RALYL: variants seen among roughly 807,000 people sequenced by gnomAD.
The protein encoded by RALYL is RNA-binding Raly-like protein.
Under a neutral mutation model 35.1 loss-of-function variants are expected in RALYL, and 29 were observed. The ratio of observed to expected loss-of-function variants is 0.83; its 90% CI spans 0.61 to 1.13. The LOEUF is 1.13. RALYL is among the 50% of genes most tolerant of loss of function. The pLI is 0.00. For synonymous variants in RALYL, 120 were observed against 127.6 expected (o/e 0.94, Z 0.40); for missense variants, 359 against 360.4 (o/e 1.00, Z 0.03).
At chr8:84,514,559 A>C (rs1457250174) in intron 1 of RALYL, among the ~76,000 whole-genome samples, 2 of 152,146 alleles carry the variant, frequency 1.3e-5, no homozygotes, top group Non-Finnish European at 2.9e-5. Context: ...AGAGAAGCAA[A>C]AGGGTCTAGT....
chr8:84,705,926 C>G, intron 2 of RALYL: 1 of 1,501,484 alleles, frequency 6.7e-7, no homozygotes, highest in Non-Finnish European at 8.8e-7. Context: ...TACCTTCTGT[C>G]AGTGAGCAAC....
chr8:84,669,202 G>A (rs1832698795), intron 2 of RALYL, among the ~76,000 whole-genome samples: 1 of 152,208 alleles, frequency 6.6e-6, no homozygotes, highest in African/African-American at 2.4e-5. Context: ...ATCTCACTGG[G>A]TACACTTTGA....
At chr8:84,882,796 ATAAC>A (rs1440845447) in intron 7 of RALYL, among the ~76,000 whole-genome samples, 1 of 148,550 alleles carries the variant, frequency 6.7e-6, no homozygotes, top group Admixed American at 6.7e-5. Flanking sequence ...GACTAGAAGA[ATAAC>A]TATGCAAATA....
At chr8:84,605,369 A>T (rs1349267590) in intron 2 of RALYL, among the ~76,000 whole-genome samples, 1 of 152,108 alleles carries the variant, frequency 6.6e-6, no homozygotes, top group Non-Finnish European at 1.5e-5. Flanking sequence ...CAATCCACAA[A>T]AACCAACATT....
chr8:84,794,145 A>G (rs1821397756), intron 3 of RALYL, among the ~76,000 whole-genome samples: 1 of 152,218 alleles, frequency 6.6e-6, no homozygotes, highest in African/African-American at 2.4e-5. Flanking sequence ...GCTCCTCCCA[A>G]CCTACTAGGC....
intron 2 of RALYL, chr8:84,705,928 G>A: frequency 1.3e-6 from 2 of 1,504,196 alleles, no homozygotes; most frequent in Non-Finnish European, 1.8e-6. Context: ...CCTTCTGTCA[G>A]TGAGCAACAG....
chr8:84,885,344 GATA>G (rs1275457001), intron 7 of RALYL, among the ~76,000 whole-genome samples: 3 of 151,668 alleles, frequency 2.0e-5, no homozygotes, highest in Non-Finnish European at 2.9e-5. Flanking sequence ...TCTTAAATTG[GATA>G]ATAATTTTCT....
At chr8:84,190,849 G>A (rs1381800821) in intron 1 of RALYL, among the ~76,000 whole-genome samples, 2 of 150,710 alleles carry the variant, frequency 1.3e-5, no homozygotes, top group African/African-American at 2.5e-5. Context: ...GTCCTGCACA[G>A]GTAGAAATTT....
intron 2 of RALYL, among the ~76,000 whole-genome samples, chr8:84,554,740 C>T (rs2060975217): frequency 6.6e-6 from 1 of 152,174 alleles, no homozygotes; most frequent in African/African-American, 2.4e-5. Context: ...CAGGTCCTCA[C>T]ATTCAACAGT....
At chr8:84,341,428 A>G (rs73294911) in intron 1 of RALYL, among the ~76,000 whole-genome samples, 7,512 of 151,934 alleles carry the variant, frequency 0.049, 273 homozygotes, top group African/African-American at 0.083. Context: ...GCTACCTGAG[A>G]CATAAACAAG....
At chr8:84,423,655 T>C (rs2045963038) in intron 1 of RALYL, among the ~76,000 whole-genome samples, 1 of 152,086 alleles carries the variant, frequency 6.6e-6, no homozygotes, top group African/African-American at 2.4e-5. Context: ...CGATGGTCTT[T>C]ACATTTTGGC....
chr8:84,702,271 C>G (rs1207344884), intron 2 of RALYL, among the ~76,000 whole-genome samples: 2 of 151,974 alleles, frequency 1.3e-5, no homozygotes, highest in African/African-American at 4.8e-5. Flanking sequence ...ACCATAGAGC[C>G]CTTTTAGGTA....
Position 84,539,872 on chromosome 8 carries a change from A to G in RALYL, c.256+10295A>G, listed in dbSNP as rs1333256060. On this transcript the variant is annotated intron_variant, in intron 2 of 8. Transcript: ENST00000521268. Reference sequence around the variant, plus strand: ...TATATATGTATATATATATATATATATATATGTATATATATGTGTGTGTGT... The same window carrying G: ...TATATATGTATATATATATATATATGTATATGTATATATATGTGTGTGTGT... 3.7e-3 allele frequency among the ~76,000 whole-genome samples: 25 copies of G among 6,718 alleles called. 1 individual carries two copies. Among genetic ancestry groups the G allele is most frequent in the South Asian group, 9.6e-3 (1 of 104 alleles). 4.4% of individuals were successfully genotyped at this position (6,718 alleles called of 152,430 possible).
intron 1 of RALYL, among the ~76,000 whole-genome samples, chr8:84,430,115 G>A (rs1175929620): frequency 6.6e-6 from 1 of 151,872 alleles, no homozygotes; most frequent in Non-Finnish European, 1.5e-5. Context: ...TGTTGAGTGT[G>A]TAATTCCATG....
chr8:84,502,738 C>T (rs1012838837), intron 1 of RALYL, among the ~76,000 whole-genome samples: 2 of 151,708 alleles, frequency 1.3e-5, no homozygotes, highest in Admixed American at 1.3e-4. Context: ...ATTATACCAA[C>T]TACTATTTAT....
chr8:84,415,215 T>TG (rs965177513), intron 1 of RALYL, among the ~76,000 whole-genome samples: 3 of 150,058 alleles, frequency 2.0e-5, no homozygotes, highest in Non-Finnish European at 4.4e-5. Context: ...GTTTTTTTTT[T>TG]TTTGTTTTTT....
intron 2 of RALYL, among the ~76,000 whole-genome samples, chr8:84,538,770 G>A (rs1409729124): frequency 6.6e-6 from 1 of 152,070 alleles, no homozygotes; most frequent in Non-Finnish European, 1.5e-5. Flanking sequence ...ATTTAAGAAA[G>A]GCTTATGCGC....
At chr8:84,816,050 AAAG>A (rs1201856790) in intron 4 of RALYL, among the ~76,000 whole-genome samples, 80 of 151,092 alleles carry the variant, frequency 5.3e-4, no homozygotes, top group African/African-American at 1.9e-3. Flanking sequence ...AAAAAAAAAA[AAAG>A]AAAAAAAGAA....
At chr8:84,531,450 G>T (rs1333536131) in intron 2 of RALYL, among the ~76,000 whole-genome samples, 1 of 152,040 alleles carries the variant, frequency 6.6e-6, no homozygotes, top group Non-Finnish European at 1.5e-5. Flanking sequence ...ATATTTTAAA[G>T]AAAGGAAAGA....
Sources: gnomAD v4.1 joint callset for allele counts (sites outside exome capture counted in the v4.1 genomes callset) on GRCh38, gnomAD v4.1.1 for gene constraint, MANE v1.5 for transcripts, NCBI Gene and HGNC (gene_info 2026-07-23, HGNC 2026-07-21) for gene names.